Variants in KIF21A observed in about 807,000 individuals in gnomAD.
KIF21A encodes kinesin-like protein KIF21A.
In KIF21A, 114 loss-of-function variants were observed where a neutral mutation model predicts 202.9. The ratio of observed to expected loss-of-function variants is 0.56; its 90% CI spans 0.48 to 0.66. KIF21A has a LOEUF of 0.66. Among genes scored for constraint, KIF21A ranks in the 30% least tolerant of loss-of-function variants. KIF21A has a pLI of 0.00. For missense variants in KIF21A, 1,677 were observed against 1,994.9 expected, an observed-to-expected ratio of 0.84 and a Z score of 3.04; for synonymous variants, 667 against 670.8, an observed-to-expected ratio of 0.99 and a Z score of 0.09.
intron 1 of KIF21A, among the ~76,000 whole-genome samples, chr12:39,398,108 A>C (rs1410384496): frequency 6.6e-6 from 1 of 152,212 alleles, no homozygotes; most frequent in South Asian, 2.1e-4. Context: ...ACACATTCTT[A>C]TTATCTATGG....
At chr12:39,349,438 C>T (rs765338919) in intron 11 of KIF21A, among the ~76,000 whole-genome samples, 1 of 151,986 alleles carries the variant, frequency 6.6e-6, no homozygotes, top group African/African-American at 2.4e-5. Context: ...AATAGATAAA[C>T]ATGAAGCATG....
chr12:39,364,465 T>C (rs1249891521), intron 6 of KIF21A, among the ~76,000 whole-genome samples: 1 of 152,118 alleles, frequency 6.6e-6, no homozygotes, highest in Non-Finnish European at 1.5e-5. Flanking sequence ...AAGTCCAGAA[T>C]CCAGGCATGC....
intron 23 of KIF21A, 67 bp downstream of exon 23, chr12:39,330,679 A>C: frequency 7.4e-7 from 1 of 1,359,538 alleles, no homozygotes; most frequent in Non-Finnish European, 1.1e-6. Flanking sequence ...AAAGGGATAT[A>C]CTATACCATG....
At chr12:39,299,111 G>A (rs747043757) in intron 37 of KIF21A, among the ~76,000 whole-genome samples, 9 of 152,042 alleles carry the variant, frequency 5.9e-5, no homozygotes, top group Non-Finnish European at 7.4e-5. Context: ...CACTGAGTAA[G>A]CTGAGAAAAA....
chr12:39,326,524 A>G (rs1945937949), intron 24 of KIF21A, among the ~76,000 whole-genome samples, 200 bp from the exon 25 acceptor site: 1 of 152,232 alleles, frequency 6.6e-6, no homozygotes, highest in African/African-American at 2.4e-5. Flanking sequence ...GAATGAGTAA[A>G]ACATGTTCAA....
intron 37 of KIF21A, among the ~76,000 whole-genome samples, chr12:39,295,919 C>T (rs189733014): frequency 2.7e-5 from 4 of 150,028 alleles, no homozygotes; most frequent in South Asian, 2.1e-4. Context: ...TGGCCAGCCT[C>T]GATCTCTTGA....
Position 39,318,062 on chromosome 12 carries a change from T to C in KIF21A, c.3908+11A>G, listed in dbSNP as rs1452713079. The C allele has an allele frequency of 3.7e-6, 6 of 1,610,946 alleles. No homozygotes were observed. The highest frequency in any genetic ancestry group is 5.1e-6 in the Non-Finnish European group (6 of 1,177,704). ...TATAAATAATTGGGGCTCTTTTCCA[T>C]AATGACTTACTTATCCTGCTGAACT... On this transcript the variant is annotated intron_variant, in intron 29 of 37. Transcript: ENST00000361418.
At chr12:39,391,654 T>C (rs1034399228) in intron 1 of KIF21A, among the ~76,000 whole-genome samples, 13 of 152,210 alleles carry the variant, frequency 8.5e-5, no homozygotes, top group African/African-American at 3.1e-4. Context: ...ATCATACCTA[T>C]GTATATGTAA....
chr12:39,358,469 T>A, intron 7 of KIF21A, 96 bp from the exon 8 acceptor site: 1 of 1,107,686 alleles, frequency 9.0e-7, no homozygotes, highest in Non-Finnish European at 1.4e-6. Flanking sequence ...TAGTATCTTC[T>A]CTTCAAGATA....
At chr12:39,400,175 T>A (rs1463063168) in intron 1 of KIF21A, among the ~76,000 whole-genome samples, 7 of 152,186 alleles carry the variant, frequency 4.6e-5, no homozygotes, top group African/African-American at 1.4e-4. Flanking sequence ...TTTTCTTTAC[T>A]TATGGTTGAA....
At chr12:39,339,620 T>A (rs1947281960) in intron 16 of KIF21A, among the ~76,000 whole-genome samples, 1 of 152,222 alleles carries the variant, frequency 6.6e-6, no homozygotes, top group South Asian at 2.1e-4. Flanking sequence ...TCATGAAAGA[T>A]GTAAAGAATA....
intron 8 of KIF21A, among the ~76,000 whole-genome samples, chr12:39,357,818 G>T (rs1190148877): frequency 2.0e-5 from 3 of 147,110 alleles, no homozygotes; most frequent in Admixed American, 7.0e-5. Flanking sequence ...GCTGAGACAG[G>T]AGAATCATTT....
chr12:39,402,386 G>A (rs1269478748), intron 1 of KIF21A, among the ~76,000 whole-genome samples: 1 of 152,050 alleles, frequency 6.6e-6, no homozygotes, highest in African/African-American at 2.4e-5. Flanking sequence ...TCCTCTAAAG[G>A]GTTCTAAAGT....
chr12:39,385,240 G>A (rs548849732), intron 1 of KIF21A, among the ~76,000 whole-genome samples: 140 of 152,190 alleles, frequency 9.2e-4, no homozygotes, highest in Non-Finnish European at 1.7e-3. Context: ...TTATGTGAAG[G>A]CAGTGGGCTG....
intron 1 of KIF21A, among the ~76,000 whole-genome samples, chr12:39,424,553 C>A (rs1213008080): frequency 1.3e-5 from 2 of 152,182 alleles, no homozygotes; most frequent in Non-Finnish European, 2.9e-5. Context: ...ATATGCACAA[C>A]AATTTCAACA....
intron 1 of KIF21A, among the ~76,000 whole-genome samples, chr12:39,403,149 TAAC>T (rs1478964481): frequency 2.0e-5 from 3 of 152,038 alleles, no homozygotes; most frequent in African/African-American, 7.2e-5. Flanking sequence ...AAAAAAAACC[TAAC>T]AGTCATTCAT....
At chr12:39,362,453 T>C (rs11171857) in intron 7 of KIF21A, among the ~76,000 whole-genome samples, 10,330 of 152,016 alleles carry the variant, frequency 0.068, 539 homozygotes, top group South Asian at 0.28. Flanking sequence ...CAAAAATGTT[T>C]CCATTTGTAA....
intron 1 of KIF21A, among the ~76,000 whole-genome samples, chr12:39,405,835 C>A (rs551002556): frequency 6.7e-6 from 1 of 150,312 alleles, no homozygotes; most frequent in African/African-American, 2.5e-5. Context: ...TTAACTAGGC[C>A]GTAAGAAAAA....
At chr12:39,353,055 A>G (rs1051414996) in intron 10 of KIF21A, among the ~76,000 whole-genome samples, 3 of 152,150 alleles carry the variant, frequency 2.0e-5, no homozygotes, top group Non-Finnish European at 4.4e-5. Context: ...TCTCTCTCTC[A>G]ACACTATATT....
Sources: allele counts gnomAD v4.1 joint callset (sites outside exome capture counted in the v4.1 genomes callset), GRCh38; gene constraint gnomAD v4.1.1; transcripts MANE v1.5; gene names NCBI Gene and HGNC (gene_info 2026-07-23, HGNC 2026-07-21).